The following ADAM12 variants were observed in gnomAD, a reference collection of about 807,000 sequenced individuals.
ADAM12 encodes the protein ADAM metallopeptidase domain 12.
Under a neutral mutation model 106.4 loss-of-function variants are expected in ADAM12, and 70 were observed. The observed-to-expected ratio is 0.66, with a 90% CI of 0.54 to 0.80. The LOEUF (loss-of-function observed/expected upper bound fraction) is 0.80. Ranked by LOEUF, ADAM12 falls within the 30% of genes least tolerant of loss-of-function variation. ADAM12 has a pLI of 0.00. For missense variants in ADAM12, 1,010 were observed against 1,171.9 expected (o/e 0.86, Z 2.02); for synonymous variants, 420 against 433.5 (o/e 0.97, Z 0.39).
At position 126,014,426 on chromosome 10, in the gene ADAM12, GC is replaced by G. The variant is rs5788757; in HGVS notation, c.*2852del. On this transcript the variant is annotated 3_prime_UTR_variant, in exon 23 of 23. Coordinates refer to ENST00000448723, the MANE Select transcript of ADAM12 (RefSeq NM_001288973.2). ...CATAAAGTTAAGAAGGCATAAAAAT[GC>G]CCCCCCCCCGAGACTCGTCAGGAGT... 0.51 allele frequency: 72,120 copies of G among 141,106 alleles called. 18,705 individuals carry two copies. Among genetic ancestry groups the G allele is most frequent in the Admixed American group, 0.59 (8,338 of 14,032 alleles). The allele number at this position is 141,106 out of a possible 1,614,324, so 8.7% of individuals were successfully genotyped here.
At chr10:126,060,773 T>G (rs1954737655) in intron 14 of ADAM12, among the ~76,000 whole-genome samples, 3 of 152,212 alleles carry the variant, frequency 2.0e-5, no homozygotes, top group African/African-American at 7.2e-5. Context: ...TGTGAAGGAT[T>G]CACATCCGCC....
At chr10:126,029,462 A>C (rs558088389) in intron 21 of ADAM12, among the ~76,000 whole-genome samples, 2 of 152,342 alleles carry the variant, frequency 1.3e-5, no homozygotes, top group South Asian at 4.1e-4. Flanking sequence ...GCTGGAGGCC[A>C]TTATCCTCAG....
chr10:126,252,773 G>A (rs1034547419), intron 3 of ADAM12, among the ~76,000 whole-genome samples: 10 of 151,898 alleles, frequency 6.6e-5, no homozygotes, highest in Admixed American at 1.3e-4. Context: ...CCGCTTTCTC[G>A]GTGTCTGTTA....
At chr10:126,335,777 T>C (rs896617855) in intron 1 of ADAM12, among the ~76,000 whole-genome samples, 3 of 152,178 alleles carry the variant, frequency 2.0e-5, no homozygotes, top group East Asian at 1.9e-4. Flanking sequence ...TTTAGCCAGA[T>C]GGTCAAGGTC....
intron 3 of ADAM12, among the ~76,000 whole-genome samples, chr10:126,170,050 G>A (rs1957091356): frequency 6.6e-6 from 1 of 152,216 alleles, no homozygotes; most frequent in Non-Finnish European, 1.5e-5. Context: ...CCAGCTCGGT[G>A]AAGAACTTGT....
chr10:126,138,816 T>C (rs1956455348), intron 4 of ADAM12, among the ~76,000 whole-genome samples: 1 of 64,174 alleles, frequency 1.6e-5, no homozygotes, highest in African/African-American at 1.0e-4. Context: ...TCTACACATA[T>C]CTTTTTCTTT....
At chr10:126,196,846 TA>T (rs57018159) in intron 3 of ADAM12, among the ~76,000 whole-genome samples, 11,901 of 150,908 alleles carry the variant, frequency 0.079, 1,553 homozygotes, top group African/African-American at 0.27. Flanking sequence ...TCTTGTAAAA[TA>T]AAAAAAAAGT....
In ADAM12 at chr10:126,086,638, A is replaced by G. The variant is rs144790725; in HGVS notation, c.1145+7347T>C. Among the ~76,000 whole-genome samples the G allele has an allele frequency of 3.0e-3, 317 of 106,838 alleles. 2 individuals carry two copies. The highest frequency in any genetic ancestry group is 4.9e-3 in the Non-Finnish European group (270 of 55,218). The allele number at this position is 106,838 out of a possible 152,430, so 70.1% of individuals were successfully genotyped here. On this transcript the variant is annotated intron_variant, in intron 11 of 22. Transcript: ENST00000448723. ...GTTGCAGTGAGCCGAGATGGCCCCA[A>G]TGGACTCTGCCTCAAAAAAAAAAAA...
At chr10:126,130,103 G>T (rs924936472) in intron 5 of ADAM12, among the ~76,000 whole-genome samples, 1 of 152,100 alleles carries the variant, frequency 6.6e-6, no homozygotes, top group Non-Finnish European at 1.5e-5. Context: ...ATCTTAATAT[G>T]TTTCTGGAGC....
intron 1 of ADAM12, among the ~76,000 whole-genome samples, chr10:126,382,920 A>G (rs1228813672): frequency 6.6e-6 from 1 of 152,194 alleles, no homozygotes; most frequent in Non-Finnish European, 1.5e-5. Flanking sequence ...CCTCTTGGAA[A>G]TTAAATGTGG....
intron 3 of ADAM12, among the ~76,000 whole-genome samples, chr10:126,186,556 T>C (rs11244874): frequency 0.048 from 7,350 of 152,186 alleles, 292 homozygotes; most frequent in African/African-American, 0.093. Flanking sequence ...TTTGTAGTTC[T>C]AGGGACATGG....
chr10:126,387,216 T>C (rs1034790569), intron 1 of ADAM12, among the ~76,000 whole-genome samples: 1 of 152,202 alleles, frequency 6.6e-6, no homozygotes, highest in Non-Finnish European at 1.5e-5. Context: ...CCCGGGGAAG[T>C]TGCCGGATTT....
At chr10:126,358,321 AGATGGAAG>A (rs1251593710) in intron 1 of ADAM12, among the ~76,000 whole-genome samples, 3 of 152,238 alleles carry the variant, frequency 2.0e-5, no homozygotes, top group Admixed American at 6.5e-5. Flanking sequence ...TTTATCCCTG[AGATGGAAG>A]GATGTTTCAA....
At chr10:126,191,400 G>C (rs907220253) in intron 3 of ADAM12, among the ~76,000 whole-genome samples, 18 of 152,070 alleles carry the variant, frequency 1.2e-4, no homozygotes, top group African/African-American at 4.3e-4. Flanking sequence ...GCAGCAGGAG[G>C]GGAAGCCTGG....
chr10:126,255,693 T>G (rs918387085), intron 3 of ADAM12, among the ~76,000 whole-genome samples: 1 of 152,198 alleles, frequency 6.6e-6, no homozygotes, highest in Non-Finnish European at 1.5e-5. Context: ...TACCTTTCTT[T>G]GAATCCCCAA....
intron 5 of ADAM12, among the ~76,000 whole-genome samples, chr10:126,120,985 G>A (rs12763115): frequency 0.018 from 558 of 30,712 alleles, no homozygotes; most frequent in African/African-American, 0.035. Context: ...ATGCAATATA[G>A]CATATATTAT....
intron 3 of ADAM12, among the ~76,000 whole-genome samples, chr10:126,250,290 T>C (rs1177663625): frequency 6.6e-6 from 1 of 152,168 alleles, no homozygotes; most frequent in Non-Finnish European, 1.5e-5. Context: ...CTAACATTTA[T>C]AGATAAGATT....
At chr10:126,098,330 A>C in intron 10 of ADAM12, 86 bp downstream of exon 10, 1 of 1,071,904 alleles carries the variant, frequency 9.3e-7, no homozygotes, top group South Asian at 1.3e-5. Context: ...AAAGGAAAGG[A>C]TCTATCTTCA....
At chr10:126,218,244 T>C (rs1958025533) in intron 3 of ADAM12, among the ~76,000 whole-genome samples, 1 of 152,122 alleles carries the variant, frequency 6.6e-6, no homozygotes, top group African/African-American at 2.4e-5. Flanking sequence ...GAAGGGACAC[T>C]ATAATACACG....
Sources: gnomAD v4.1 joint callset for allele counts (sites outside exome capture counted in the v4.1 genomes callset) on GRCh38, gnomAD v4.1.1 for gene constraint, MANE v1.5 for transcripts, NCBI Gene and HGNC (gene_info 2026-07-23, HGNC 2026-07-21) for gene names.